Variants in ZNF680 observed in about 807,000 individuals in gnomAD.
ZNF680 encodes the protein zinc finger protein 680.
ZNF680 carries 6 observed loss-of-function variants against 12.1 expected under a neutral mutation model. The observed-to-expected ratio is 0.49, with a 90% confidence interval of 0.27 to 0.98. The LOEUF (loss-of-function observed/expected upper bound fraction) is 0.98, where lower values mean the gene tolerates loss of function less well. Ranked by LOEUF, ZNF680 falls within the 50% of genes least tolerant of loss-of-function variation. The pLI is 0.12. For missense variants in ZNF680, 561 were observed against 616.3 expected (o/e 0.91, Z 0.95); for synonymous variants, 170 against 199.3 (o/e 0.85, Z 1.24).
chr7:64,519,810 CTCCT>C (rs1426634502), downstream of ZNF680: 1 of 151,778 alleles, frequency 6.6e-6, no homozygotes, highest in Non-Finnish European at 1.5e-5. Context: ...TTTTACCTCC[CTCCT>C]TGAGTAAAGT....
At chr7:64,509,923 T>C in the ZNF680 span, among the ~76,000 whole-genome samples, 16 of 152,058 alleles carry the variant, frequency 1.1e-4, no homozygotes, top group Non-Finnish European at 2.2e-4. Flanking sequence ...AGGAAAGCTT[T>C]GTTTCTCCCT....
At chr7:64,529,307 G>C (rs967109111) in intron 3 of ZNF680, among the ~76,000 whole-genome samples, 2 of 152,128 alleles carry the variant, frequency 1.3e-5, no homozygotes, top group African/African-American at 4.8e-5. Context: ...TCCAAACCAA[G>C]AAGGAATCCC....
chr7:64,522,614 A>C (rs1390945195), intron 3 of ZNF680, 114 bp from the exon 4 acceptor site: 11 of 866,782 alleles, frequency 1.3e-5, no homozygotes, highest in African/African-American at 1.8e-5. Context: ...AAAAATAAAT[A>C]ACTAAAAAAT....
At chr7:64,499,723 G>GC in the ZNF680 span, among the ~76,000 whole-genome samples, 1 of 152,186 alleles carries the variant, frequency 6.6e-6, no homozygotes, top group Admixed American at 6.5e-5. Flanking sequence ...CGGCCTGGGT[G>GC]ACACAGCGAG....
downstream of ZNF680, among the ~76,000 whole-genome samples, chr7:64,519,681 A>G (rs1451977741): frequency 6.6e-6 from 1 of 151,816 alleles, no homozygotes; most frequent in Admixed American, 6.6e-5. Context: ...TGTGGAATCT[A>G]AAAGAAAATT....
At chr7:64,506,850 G>A in the ZNF680 span, among the ~76,000 whole-genome samples, 5 of 151,980 alleles carry the variant, frequency 3.3e-5, no homozygotes, top group Non-Finnish European at 5.9e-5. Flanking sequence ...TTCTTCCTCT[G>A]GTAAAATGAG....
chr7:64,538,653 C>T (rs947392337), intron 3 of ZNF680, among the ~76,000 whole-genome samples: 5 of 152,044 alleles, frequency 3.3e-5, no homozygotes, highest in African/African-American at 1.2e-4. Flanking sequence ...AACAAAAACA[C>T]GTTAATTGTT....
At chr7:64,519,602 A>G (rs1380911047), downstream of ZNF680, among the ~76,000 whole-genome samples, 1 of 151,892 alleles carries the variant, frequency 6.6e-6, no homozygotes, top group Non-Finnish European at 1.5e-5. Flanking sequence ...AAAGCTTTAT[A>G]GTATAGTTTA....
chr7:64,517,723 A>G (rs1584340077), downstream of ZNF680, among the ~76,000 whole-genome samples: 1 of 152,096 alleles, frequency 6.6e-6, no homozygotes, highest in Non-Finnish European at 1.5e-5. Context: ...ATCCAACAAC[A>G]TATCAAAAAG....
At position 64,547,213 on chromosome 7, in the gene ZNF680, C is replaced by T. The variant is rs546411879; in HGVS notation, c.31-2781G>A. On this transcript the variant is annotated intron_variant, in intron 1 of 3. Transcript: ENST00000309683. ...AGGGTCCATGAATGGGTGTTTTAAA[C>T]AAATCCTCTGTCAATGCTGATGTTG... Among the ~76,000 whole-genome samples the T allele has an allele frequency of 2.0e-5, 3 of 152,272 alleles. No individual in the cohort carries two copies. In the South Asian group the frequency reaches 6.2e-4, roughly 32 times the overall value.
rs377567576 is a variant in ZNF680 at position 64,547,961 on chromosome 7, G to A, written c.31-3529C>T. ...ACTAATTTCTTCTAATCAGTTTGGT[G>A]AGGCAAGACTCCACAGTGGGGTCAG... On this transcript the variant is annotated intron_variant, in intron 1 of 3. Transcript: ENST00000309683. Among the ~76,000 whole-genome samples, 3 of 152,278 alleles carry A rather than the reference G, an allele frequency of 2.0e-5. No homozygotes were observed. The East Asian group carries it at 5.8e-4, about 29-fold the overall frequency.
the ZNF680 span, chr7:64,501,525 G>C: frequency 2.6e-6 from 2 of 771,902 alleles, no homozygotes; most frequent in South Asian, 1.4e-5. Flanking sequence ...GTGAGAAGAG[G>C]AACAGAGCAG....
chr7:64,545,263 CAAAAAAAAAAAA>C (rs532422147), intron 1 of ZNF680, among the ~76,000 whole-genome samples: 2 of 89,718 alleles, frequency 2.2e-5, no homozygotes, highest in Non-Finnish European at 4.6e-5. Context: ...GACTCCATCT[CAAAAAAAAAAAA>C]AAAAAAAAAA....
chr7:64,525,159 A>C (rs951910481), intron 3 of ZNF680: 5 of 152,200 alleles, frequency 3.3e-5, no homozygotes, highest in African/African-American at 1.2e-4. Flanking sequence ...ACAGAGCTAC[A>C]GAATTGTAAC....
chr7:64,510,181 C>T, the ZNF680 span, among the ~76,000 whole-genome samples: 8 of 151,318 alleles, frequency 5.3e-5, no homozygotes, highest in African/African-American at 1.7e-4. Flanking sequence ...TAAAACAATG[C>T]CCCTTAAAAA....
intron 1 of ZNF680, among the ~76,000 whole-genome samples, chr7:64,561,926 C>T (rs1473670674): frequency 5.7e-5 from 5 of 88,082 alleles, no homozygotes; most frequent in Admixed American, 1.2e-4. Flanking sequence ...CAGAGCAAGA[C>T]TCCGTCTCAA....
intron 1 of ZNF680, among the ~76,000 whole-genome samples, chr7:64,561,871 C>T (rs977120413): frequency 2.8e-5 from 4 of 142,658 alleles, no homozygotes; most frequent in Non-Finnish European, 6.1e-5. Context: ...GGAGGCGGAG[C>T]TTGCAGTGAG....
chr7:64,558,610 C>T (rs1018057497), intron 1 of ZNF680, among the ~76,000 whole-genome samples: 3 of 152,004 alleles, frequency 2.0e-5, no homozygotes, highest in Non-Finnish European at 4.4e-5. Context: ...AAGGTTAAGA[C>T]GGAAGGGGAT....
At chr7:64,549,473 T>C (rs557107470) in intron 1 of ZNF680, among the ~76,000 whole-genome samples, 10 of 152,338 alleles carry the variant, frequency 6.6e-5, no homozygotes, top group Admixed American at 5.9e-4. Context: ...ATGCAGAACA[T>C]GCCTCCTGTT....
Sources: gnomAD v4.1 joint callset for allele counts (sites outside exome capture counted in the v4.1 genomes callset) on GRCh38, gnomAD v4.1.1 for gene constraint, MANE v1.5 for transcripts, NCBI Gene and HGNC (gene_info 2026-07-23, HGNC 2026-07-21) for gene names.